The following PLXDC2 variants were observed in gnomAD, a reference collection of about 807,000 sequenced individuals.
PLXDC2 encodes the protein plexin domain-containing protein 2.
PLXDC2 carries 40 observed loss-of-function variants against 68.9 expected under a neutral mutation model. The ratio of observed to expected loss-of-function variants is 0.58; its 90% CI spans 0.45 to 0.76. PLXDC2 has a LOEUF of 0.76. PLXDC2 is among the 30% of genes least tolerant of loss of function. PLXDC2 has a pLI of 0.00. For missense variants in PLXDC2, 644 were observed against 661.9 expected (o/e 0.97, Z 0.30); for synonymous variants, 243 against 234.2 (o/e 1.04, Z -0.34).
At chr10:20,082,184 A>G (rs954001681) in intron 4 of PLXDC2, among the ~76,000 whole-genome samples, 3 of 151,922 alleles carry the variant, frequency 2.0e-5, no homozygotes, top group African/African-American at 7.3e-5. Context: ...AAAGGACATT[A>G]TGTAAACAGA....
At chr10:19,977,059 G>T (rs2131616614) in intron 1 of PLXDC2, among the ~76,000 whole-genome samples, 1 of 152,210 alleles carries the variant, frequency 6.6e-6, no homozygotes, top group African/African-American at 2.4e-5. Context: ...CATAATATCT[G>T]TTCCCTTCAA....
At chr10:20,209,756 C>G in intron 9 of PLXDC2, among the ~76,000 whole-genome samples, 1 of 152,016 alleles carries the variant, frequency 6.6e-6, no homozygotes, top group South Asian at 2.1e-4. Context: ...GCAGTCATCA[C>G]AGGGTCCTGA....
In PLXDC2 at chr10:20,164,488, G is replaced by C. The variant is rs778296579; in HGVS notation, c.804G>C (p.Gln268His). The C allele has an allele frequency of 3.7e-6, 6 of 1,613,144 alleles. No individual in the cohort carries two copies. In the African/African-American group the frequency reaches 6.7e-5, roughly 18 times the overall value. Reference sequence around the variant, plus strand: ...TCCAGATTCCTGTCTTGGTCACACAGATAAGTTCAACCAATCATCCAGTGA... The same window carrying C: ...TCCAGATTCCTGTCTTGGTCACACACATAAGTTCAACCAATCATCCAGTGA... ...GYKEIPVLVT[Q>H]ISSTNHPVKV... Residue 268 changes from glutamine to histidine, a missense_variant, in exon 7 of 14, where the codon CAG (glutamine) becomes CAC (histidine). Around this residue, in one of 3 missense-constraint regions of PLXDC2, gnomAD observed 330 missense variants for 327.9 expected, o/e 1.01. Coordinates refer to ENST00000377252, the MANE Select transcript of PLXDC2 (RefSeq NM_032812.9).
intron 1 of PLXDC2, among the ~76,000 whole-genome samples, chr10:19,937,557 T>TATATATATATATAC (rs1554846749): frequency 1.6e-4 from 13 of 81,250 alleles, no homozygotes; most frequent in African/African-American, 6.4e-4. Flanking sequence ...TATATATATA[T>TATATATATATATAC]ATATATATAT....
intron 1 of PLXDC2, among the ~76,000 whole-genome samples, chr10:19,853,993 G>T (rs1458110312): frequency 1.3e-5 from 2 of 152,150 alleles, no homozygotes; most frequent in Admixed American, 1.3e-4. Flanking sequence ...CTGGGCACCG[G>T]AGGTGTTGTG....
chr10:20,129,835 G>A (rs766672576), intron 4 of PLXDC2, among the ~76,000 whole-genome samples: 2 of 151,940 alleles, frequency 1.3e-5, no homozygotes, highest in Non-Finnish European at 2.9e-5. Context: ...CTTAGGTTTA[G>A]GGCTGGGCTG....
intron 12 of PLXDC2, among the ~76,000 whole-genome samples, chr10:20,237,580 T>C (rs1835450586): frequency 1.3e-5 from 2 of 152,194 alleles, no homozygotes; most frequent in South Asian, 2.1e-4. Context: ...TTTCATTTGA[T>C]TTTCTTTTGT....
At chr10:19,890,662 A>G (rs1417786333) in intron 1 of PLXDC2, among the ~76,000 whole-genome samples, 1 of 120,192 alleles carries the variant, frequency 8.3e-6, no homozygotes, top group East Asian at 2.7e-4. Context: ...GGCGTGAGCC[A>G]CCGCGCCCGG....
chr10:20,278,501 G>A (rs1345321133), intron 13 of PLXDC2, among the ~76,000 whole-genome samples: 1 of 152,146 alleles, frequency 6.6e-6, no homozygotes, highest in Non-Finnish European at 1.5e-5. Flanking sequence ...TTGGAAAATA[G>A]GGATAATTCA....
chr10:20,238,695 A>C (rs2119321798), intron 12 of PLXDC2, among the ~76,000 whole-genome samples: 1 of 118,046 alleles, frequency 8.5e-6, no homozygotes, highest in Non-Finnish European at 1.8e-5. Context: ...ATATATATAC[A>C]CACATATATA....
intron 13 of PLXDC2, among the ~76,000 whole-genome samples, chr10:20,266,704 C>A (rs1001297781): frequency 1.3e-5 from 2 of 152,078 alleles, no homozygotes; most frequent in African/African-American, 4.8e-5. Flanking sequence ...CTGATCAGTT[C>A]TCTTCTAAGA....
chr10:20,030,983 TA>T (rs1835493051), intron 2 of PLXDC2, among the ~76,000 whole-genome samples: 1 of 152,154 alleles, frequency 6.6e-6, no homozygotes, highest in Admixed American at 6.5e-5. Context: ...ATAGAGACCC[TA>T]AACATGTGAC....
At chr10:20,156,613 C>A (rs936656838) in intron 6 of PLXDC2, among the ~76,000 whole-genome samples, 1 of 152,124 alleles carries the variant, frequency 6.6e-6, no homozygotes, top group African/African-American at 2.4e-5. Context: ...TTATCATCTT[C>A]ATGCTGTTAG....
At chr10:19,989,099 C>G (rs1834701951) in intron 1 of PLXDC2, among the ~76,000 whole-genome samples, 1 of 152,108 alleles carries the variant, frequency 6.6e-6, no homozygotes, top group African/African-American at 2.4e-5. Context: ...CGCACCTGGC[C>G]TAATACCACA....
chr10:19,846,716 G>A (rs1837015877), intron 1 of PLXDC2, among the ~76,000 whole-genome samples: 1 of 152,186 alleles, frequency 6.6e-6, no homozygotes, highest in Non-Finnish European at 1.5e-5. Flanking sequence ...TGGAAGGACA[G>A]TCTCGTGGGC....
At chr10:19,920,649 C>G (rs1054079345) in intron 1 of PLXDC2, among the ~76,000 whole-genome samples, 67 of 152,316 alleles carry the variant, frequency 4.4e-4, no homozygotes, top group African/African-American at 1.5e-3. Flanking sequence ...TCAGAGCTAC[C>G]TCCACTCAAA....
Position 19,853,264 on chromosome 10 carries a change from A to G in PLXDC2, c.112+36073A>G, listed in dbSNP as rs565565773. Reference sequence around the variant, plus strand: ...ATTAGAAGCAATACTGATTATTCTTATATTGCTTATTGAATAAGAACTGCA... The same window carrying G: ...ATTAGAAGCAATACTGATTATTCTTGTATTGCTTATTGAATAAGAACTGCA... On this transcript the variant is annotated intron_variant, in intron 1 of 13. Coordinates refer to ENST00000377252, the MANE Select transcript of PLXDC2 (RefSeq NM_032812.9). Among the ~76,000 whole-genome samples the G allele has an allele frequency of 1.8e-4, 27 of 152,292 alleles. 1 individual carries two copies. In the South Asian group the frequency reaches 5.2e-3, roughly 29 times the overall value.
intron 1 of PLXDC2, among the ~76,000 whole-genome samples, chr10:19,849,303 C>A (rs1333491293): frequency 8.9e-6 from 1 of 111,734 alleles, no homozygotes; most frequent in East Asian, 2.2e-4. Context: ...GACAAGTATT[C>A]TGTCTCGCTC....
chr10:20,211,153 C>G (rs935337845), intron 9 of PLXDC2, among the ~76,000 whole-genome samples: 2 of 151,998 alleles, frequency 1.3e-5, no homozygotes, highest in African/African-American at 4.8e-5. Flanking sequence ...TTTTTTGGAA[C>G]ATGCAGGGTC....
Sources: gnomAD v4.1 joint callset for allele counts (sites outside exome capture counted in the v4.1 genomes callset) on GRCh38, gnomAD v4.1.1 for gene constraint, gnomAD v4.1.1 regional missense constraint, MANE v1.5 for transcripts, NCBI Gene and HGNC (gene_info 2026-07-23, HGNC 2026-07-21) for gene names.